Variants in ADARB2 observed in about 807,000 individuals in gnomAD.
The protein encoded by ADARB2 is inactive double-stranded RNA-specific editase B2.
In ADARB2, 25 loss-of-function variants were observed where a neutral mutation model predicts 62.2. That is an observed-to-expected ratio of 0.40 (90% CI 0.29 to 0.56). The LOEUF is 0.56. ADARB2 is among the 20% of genes least tolerant of loss of function. The pLI is 0.43. For missense variants in ADARB2, 1,071 were observed against 1,077.4 expected (o/e 0.99, Z 0.08); for synonymous variants, 572 against 500.8 (o/e 1.14, Z -1.90).
intron 1 of ADARB2, among the ~76,000 whole-genome samples, chr10:1,647,258 G>A (rs1377801380): frequency 1.3e-5 from 2 of 152,228 alleles, no homozygotes; most frequent in Admixed American, 6.5e-5. Flanking sequence ...TTGCAGGATT[G>A]CATGAGTCAC....
At chr10:1,384,050 A>T (rs1029119559) in intron 1 of ADARB2, among the ~76,000 whole-genome samples, 2 of 152,262 alleles carry the variant, frequency 1.3e-5, no homozygotes, top group African/African-American at 4.8e-5. Flanking sequence ...TTTTTAATTC[A>T]AGTATGAAAA....
At chr10:1,305,747 C>T (rs1390501214) in intron 3 of ADARB2, among the ~76,000 whole-genome samples, 6 of 152,158 alleles carry the variant, frequency 3.9e-5, no homozygotes, top group Admixed American at 6.5e-5. Context: ...GCTGGTTCAA[C>T]ATACGAAAAT....
At chr10:1,666,187 G>A (rs72766748) in intron 1 of ADARB2, among the ~76,000 whole-genome samples, 7 of 152,340 alleles carry the variant, frequency 4.6e-5, no homozygotes, top group South Asian at 2.1e-4. Flanking sequence ...GCATAGAACC[G>A]GGAGGGAGAG....
chr10:1,666,465 C>A (rs576118744), intron 1 of ADARB2, among the ~76,000 whole-genome samples: 38 of 152,224 alleles, frequency 2.5e-4, no homozygotes, highest in Non-Finnish European at 4.8e-4. Context: ...AGACTGTGTT[C>A]CCCCAATCGT....
intron 1 of ADARB2, among the ~76,000 whole-genome samples, chr10:1,663,960 A>C (rs1834282367): frequency 6.6e-6 from 1 of 152,178 alleles, no homozygotes; most frequent in African/African-American, 2.4e-5. Flanking sequence ...CCTGGTCTGA[A>C]CGTGCTACTG....
rs549605025 is a variant in ADARB2, at chr10:1,349,590, C to G, written c.1077+13438G>C. On this transcript the variant is annotated intron_variant, in intron 3 of 9. Coordinates refer to ENST00000381312, the MANE Select transcript of ADARB2 (RefSeq NM_018702.4). ...TCCAGTAAGTGGCCTCTTTTTTACTCTCTTCTCCAACCTCCCTCACTATCC... is the reference window on the plus strand; with the variant it reads ...TCCAGTAAGTGGCCTCTTTTTTACTGTCTTCTCCAACCTCCCTCACTATCC... 2.2e-4 allele frequency among the ~76,000 whole-genome samples: 33 copies of G among 152,284 alleles called. No individual in the cohort carries two copies. In the South Asian group the frequency reaches 5.0e-3, roughly 23 times the overall value.
At chr10:1,425,272 TCTC>T (rs138707904) in intron 1 of ADARB2, among the ~76,000 whole-genome samples, 228 of 152,300 alleles carry the variant, frequency 1.5e-3, no homozygotes, top group African/African-American at 5.2e-3. Flanking sequence ...TGGTCATGGT[TCTC>T]CTGCCCTATA....
intron 2 of ADARB2, among the ~76,000 whole-genome samples, chr10:1,367,650 C>T (rs1832324816): frequency 6.6e-6 from 1 of 152,140 alleles, no homozygotes; most frequent in South Asian, 2.1e-4. Flanking sequence ...GAGCAAAAAA[C>T]CCAACAAGAT....
chr10:1,709,708 T>A (rs1435487823), intron 1 of ADARB2, among the ~76,000 whole-genome samples: 1 of 152,190 alleles, frequency 6.6e-6, no homozygotes, highest in Non-Finnish European at 1.5e-5. Context: ...ATGCTTCCCA[T>A]GCTTTCTCTC....
rs76494824 is a variant in ADARB2 at position 1,723,757 on chromosome 10, C to T, written c.100+13294G>A. ...AGGTGGAATGAAATAAAACTACTTA[C>T]CTTCTAACCACCCTGTTAGAGGGCA... On this transcript the variant is annotated intron_variant, in intron 1 of 9. Coordinates refer to ENST00000381312, the MANE Select transcript of ADARB2 (RefSeq NM_018702.4). Among the ~76,000 whole-genome samples, 168 of 152,258 alleles carry T rather than the reference C, an allele frequency of 1.1e-3. 4 individuals carry two copies. In the East Asian group the frequency reaches 0.018, roughly 16 times the overall value.
chr10:1,319,506 CAT>C (rs1354623054), intron 3 of ADARB2, among the ~76,000 whole-genome samples: 1 of 152,142 alleles, frequency 6.6e-6, no homozygotes, highest in African/African-American at 2.4e-5. Flanking sequence ...AAATAAAAGA[CAT>C]ATTCAGATAA....
intron 1 of ADARB2, among the ~76,000 whole-genome samples, chr10:1,508,323 G>A (rs1437173435): frequency 3.3e-5 from 5 of 152,206 alleles, no homozygotes; most frequent in African/African-American, 7.2e-5. Context: ...CAGAGGCTGC[G>A]TCTGGACCTC....
At chr10:1,336,531 G>A (rs886232419) in intron 3 of ADARB2, among the ~76,000 whole-genome samples, 2 of 152,108 alleles carry the variant, frequency 1.3e-5, no homozygotes, top group African/African-American at 4.8e-5. Context: ...TATGATGTAC[G>A]AGTACCACAT....
intron 1 of ADARB2, among the ~76,000 whole-genome samples, chr10:1,693,977 A>G (rs1047079562): frequency 6.6e-6 from 1 of 152,242 alleles, no homozygotes. Context: ...ATGGCAGGGG[A>G]CATTGCACAG....
intron 3 of ADARB2, among the ~76,000 whole-genome samples, chr10:1,335,025 G>T (rs1443704745): frequency 1.3e-5 from 2 of 152,190 alleles, no homozygotes; most frequent in Non-Finnish European, 1.5e-5. Flanking sequence ...GGTAGCTCTG[G>T]GTTAAGTGCC....
At chr10:1,567,302 G>A (rs911953617) in intron 1 of ADARB2, among the ~76,000 whole-genome samples, 7 of 152,210 alleles carry the variant, frequency 4.6e-5, no homozygotes, top group Non-Finnish European at 1.0e-4. Context: ...AGATGACCCA[G>A]TACTTTCTAG....
chr10:1,554,883 GT>G (rs1304276775), intron 1 of ADARB2, among the ~76,000 whole-genome samples: 1 of 152,066 alleles, frequency 6.6e-6, no homozygotes, highest in East Asian at 1.9e-4. Context: ...TTTCAACCCT[GT>G]CCCCCTGCCC....
intron 1 of ADARB2, among the ~76,000 whole-genome samples, chr10:1,485,744 G>A (rs1831533260): frequency 6.6e-6 from 1 of 152,202 alleles, no homozygotes; most frequent in Non-Finnish European, 1.5e-5. Context: ...AATTGTTTGG[G>A]GTGAGAATGA....
intron 1 of ADARB2, among the ~76,000 whole-genome samples, chr10:1,597,031 A>G (rs539159012): frequency 1.3e-5 from 2 of 152,282 alleles, no homozygotes; most frequent in East Asian, 3.9e-4. Context: ...GAGACTCAAG[A>G]AAGTTCACTA....
Sources: allele counts gnomAD v4.1 joint callset (sites outside exome capture counted in the v4.1 genomes callset), GRCh38; gene constraint gnomAD v4.1.1; transcripts MANE v1.5; gene names NCBI Gene and HGNC (gene_info 2026-07-23, HGNC 2026-07-21).